The following NRG3 variants were observed in gnomAD, a reference collection of about 807,000 sequenced individuals.
NRG3 encodes pro-neuregulin-3, membrane-bound isoform.
In NRG3, 31 loss-of-function variants were observed where a neutral mutation model predicts 66.9. The observed-to-expected ratio is 0.46, with a 90% CI of 0.35 to 0.63. The LOEUF is 0.63. NRG3 is among the 20% of genes least tolerant of loss of function. The probability of loss-of-function intolerance (pLI) is 0.00; values close to 1 mark genes in which losing one functional copy is unlikely to be tolerated. For missense variants in NRG3, 910 were observed against 878.9 expected, an observed-to-expected ratio of 1.04 and a Z score of -0.45; for synonymous variants, 393 against 359.4, an observed-to-expected ratio of 1.09 and a Z score of -1.06.
intron 2 of NRG3, 30 bp from the exon 3 acceptor site, chr10:82,738,547 G>T (rs762658746): frequency 6.3e-7 from 1 of 1,578,918 alleles, no homozygotes; most frequent in South Asian, 1.1e-5. Context: ...AACCACATGC[G>T]TATGTTTGTC....
intron 1 of NRG3, among the ~76,000 whole-genome samples, chr10:82,020,081 A>G (rs2061991820): frequency 6.6e-6 from 1 of 152,090 alleles, no homozygotes; most frequent in Non-Finnish European, 1.5e-5. Flanking sequence ...ATTTACTGCT[A>G]TAAATTTCTA....
chr10:82,985,265 A>T lies in NRG3; in HGVS notation c.1751A>T (p.Glu584Val), dbSNP rs754314576. 16 of 1,614,046 alleles carry T rather than the reference A, an allele frequency of 9.9e-6. No individual in the cohort carries two copies. The highest frequency in any genetic ancestry group is 1.3e-5 in the Non-Finnish European group (15 of 1,180,018). The change falls in exon 9 of 9, where the codon GAA becomes GTA. Residue 584 changes from glutamate (E) to valine (V), a missense_variant. Transcript: ENST00000372141. ...VPIIPSVGLE[E>V]TCLQMPGISE... ...ATCATCCCTTCAGTGGGTTTAGAGG[A>T]AACCTGCCTGCAAATGCCAGGGATT...
rs777026850 is a variant in NRG3, at chr10:81,963,125, C to CTTTTTTTTTTTTTTT, written c.823+86974_823+86988dup. Among the ~76,000 whole-genome samples, 4 of 70,114 alleles carry CTTTTTTTTTTTTTTT rather than the reference C, an allele frequency of 5.7e-5. 1 individual carries two copies. Among genetic ancestry groups the CTTTTTTTTTTTTTTT allele is most frequent in the African/African-American group, 2.6e-4 (4 of 15,652 alleles). 46.0% of individuals were successfully genotyped at this position (70,114 alleles called of 152,430 possible). A position where few individuals can be genotyped will look rare whatever the true frequency, so the allele number is the denominator to read the frequency against. ...GAAAATATGATCTGCCACGAGGGCT[C>CTTTTTTTTTTTTTTT]TTTTTTTTTTTTTTTTTTTTTTTTT... On this transcript the variant is annotated intron_variant, in intron 1 of 8. Coordinates refer to ENST00000372141, the MANE Select transcript of NRG3 (RefSeq NM_001010848.4).
chr10:82,044,061 G>T (rs2063155505), intron 1 of NRG3, among the ~76,000 whole-genome samples: 2 of 152,030 alleles, frequency 1.3e-5, no homozygotes, highest in South Asian at 4.1e-4. Context: ...TTTAATCCAG[G>T]AATGAAGGTT....
At chr10:82,894,275 C>T (rs1221250104) in intron 4 of NRG3, among the ~76,000 whole-genome samples, 1 of 151,726 alleles carries the variant, frequency 6.6e-6, no homozygotes, top group African/African-American at 2.4e-5. Context: ...TAAATCACCA[C>T]ATTAAATAAT....
At chr10:82,914,598 T>G (rs1313491679) in intron 4 of NRG3, among the ~76,000 whole-genome samples, 2 of 152,192 alleles carry the variant, frequency 1.3e-5, no homozygotes, top group Admixed American at 6.5e-5. Flanking sequence ...ACATGTGGTT[T>G]TTTGTTTCTA....
At chr10:82,459,192 C>A (rs1430549917) in intron 2 of NRG3, among the ~76,000 whole-genome samples, 1 of 152,196 alleles carries the variant, frequency 6.6e-6, no homozygotes, top group Non-Finnish European at 1.5e-5. Flanking sequence ...TGAGCCACAT[C>A]TTCCATCACC....
intron 1 of NRG3, among the ~76,000 whole-genome samples, chr10:82,156,995 G>A (rs779198458): frequency 6.6e-6 from 1 of 151,472 alleles, no homozygotes; most frequent in Non-Finnish European, 1.5e-5. Flanking sequence ...TCATTGCATC[G>A]GCAGGAATCC....
Position 82,388,758 on chromosome 10 carries a change from T to C in NRG3, c.953+29890T>C, listed in dbSNP as rs80048892. ...GTGGAATAATGTATACCTCTTCCTG[T>C]GTCCCCAAGATGGCATCATCTTTCT... On this transcript the variant is annotated intron_variant, in intron 2 of 8. Coordinates refer to ENST00000372141, the MANE Select transcript of NRG3 (RefSeq NM_001010848.4). Among the ~76,000 whole-genome samples, 1,077 of 152,312 alleles carry C rather than the reference T, an allele frequency of 7.1e-3. 14 individuals are homozygous for C. Among genetic ancestry groups the C allele is most frequent in the African/African-American group, 0.025 (1,039 of 41,566 alleles).
intron 3 of NRG3, among the ~76,000 whole-genome samples, chr10:82,783,048 T>C (rs1430412742): frequency 2.0e-5 from 3 of 152,102 alleles, no homozygotes; most frequent in Non-Finnish European, 4.4e-5. Flanking sequence ...GCAAGGCTGG[T>C]TCAATATACG....
chr10:82,909,171 C>T lies in NRG3; in HGVS notation c.1055-42298C>T, dbSNP rs183759711. On this transcript the variant is annotated intron_variant, in intron 4 of 8. Transcript: ENST00000372141. ...ACCTGCTGTATCTGTTAATGTCACA[C>T]TAAACAGCTATGAAGTAAAAACTCC... is the stretch of plus-strand genomic sequence containing the variant. Among the ~76,000 whole-genome samples, 493 of 152,344 alleles carry T rather than the reference C, an allele frequency of 3.2e-3. 2 individuals are homozygous for T. The highest frequency in any genetic ancestry group is 4.7e-3 in the Non-Finnish European group (319 of 68,036).
intron 2 of NRG3, among the ~76,000 whole-genome samples, chr10:82,631,851 C>T (rs1470045445): frequency 6.6e-6 from 1 of 152,052 alleles, no homozygotes; most frequent in Non-Finnish European, 1.5e-5. Flanking sequence ...CCTGTCATCC[C>T]AGCACTTTAA....
At chr10:82,220,854 A>G (rs1050880595) in intron 1 of NRG3, among the ~76,000 whole-genome samples, 5 of 152,156 alleles carry the variant, frequency 3.3e-5, no homozygotes, top group Admixed American at 6.5e-5. Flanking sequence ...AAAATTAGTC[A>G]GGAATGATGA....
chr10:82,453,665 A>T (rs951760178), intron 2 of NRG3, among the ~76,000 whole-genome samples: 1 of 151,792 alleles, frequency 6.6e-6, no homozygotes, highest in Admixed American at 6.6e-5. Context: ...ACAGGTTAAA[A>T]GCCTGATGTT....
chr10:82,867,124 C>T (rs1297206636), intron 4 of NRG3, among the ~76,000 whole-genome samples: 3 of 152,146 alleles, frequency 2.0e-5, no homozygotes, highest in East Asian at 1.9e-4. Context: ...GGCTCAAAGA[C>T]GGTAGCAATT....
chr10:81,888,052 G>C (rs1362953535), intron 1 of NRG3, among the ~76,000 whole-genome samples: 1 of 152,132 alleles, frequency 6.6e-6, no homozygotes, highest in South Asian at 2.1e-4. Context: ...CATGCAACCA[G>C]GGTGGTGGCC....
chr10:81,886,523 T>C (rs1842627806), intron 1 of NRG3, among the ~76,000 whole-genome samples: 1 of 152,146 alleles, frequency 6.6e-6, no homozygotes, highest in African/African-American at 2.4e-5. Context: ...ACTTGTATTG[T>C]TTCACATGTT....
At chr10:82,820,474 T>C (rs1018354127) in intron 3 of NRG3, among the ~76,000 whole-genome samples, 38 of 152,232 alleles carry the variant, frequency 2.5e-4, no homozygotes, top group African/African-American at 9.2e-4. Flanking sequence ...ATATCTCTTA[T>C]GTTTATATCA....
At chr10:82,769,435 C>T (rs1407193076) in intron 3 of NRG3, among the ~76,000 whole-genome samples, 1 of 151,542 alleles carries the variant, frequency 6.6e-6, no homozygotes, top group East Asian at 1.9e-4. Context: ...TTATGACTGT[C>T]GATTTTAAAT....
Sources: gnomAD v4.1 joint callset for allele counts (sites outside exome capture counted in the v4.1 genomes callset) on GRCh38, gnomAD v4.1.1 for gene constraint, MANE v1.5 for transcripts, NCBI Gene and HGNC (gene_info 2026-07-23, HGNC 2026-07-21) for gene names.